Variants in SCN9A observed in about 807,000 individuals in gnomAD.
SCN9A encodes sodium channel protein type 9 subunit alpha.
In SCN9A, 131 loss-of-function variants were observed where a neutral mutation model predicts 187.0. The ratio of observed to expected loss-of-function variants is 0.70; its 90% CI spans 0.61 to 0.81. The LOEUF is 0.81. Ranked by LOEUF, SCN9A falls within the 30% of genes least tolerant of loss-of-function variation. SCN9A has a pLI of 0.00. For synonymous variants in SCN9A, 809 were observed against 808.6 expected (o/e 1.00, Z -0.01); for missense variants, 2,252 against 2,396.6 (o/e 0.94, Z 1.26).
In SCN9A at chr2:166,243,939, G is replaced by T. The variant is rs145401650; in HGVS notation, c.3473-1283C>A. 3.8e-3 allele frequency among the ~76,000 whole-genome samples: 576 copies of T among 152,166 alleles called. 2 individuals carry two copies. The highest frequency in any genetic ancestry group is 5.8e-3 in the Non-Finnish European group (392 of 67,968). ...GTCCAGTATCCTGTCTGGAGGGAAA[G>T]ATTAGTTAGGAACTAGAGTTGTAAC... is the stretch of plus-strand genomic sequence containing the variant. On this transcript the variant is annotated intron_variant, in intron 18 of 26. Transcript: ENST00000642356.
At chr2:166,336,903 CATT>C (rs1480478267) in intron 1 of SCN9A, among the ~76,000 whole-genome samples, 1 of 151,968 alleles carries the variant, frequency 6.6e-6, no homozygotes, top group Non-Finnish European at 1.5e-5. Context: ...TGATTATTTT[CATT>C]ATTTTTAAGG....
intron 26 of SCN9A, among the ~76,000 whole-genome samples, 190 bp downstream of exon 26, chr2:166,203,765 G>C (rs570407027): frequency 6.6e-6 from 1 of 151,998 alleles, no homozygotes; most frequent in South Asian, 2.1e-4. Flanking sequence ...GGGGCCTGTA[G>C]TGTAAACCCA....
chr2:166,279,236 G>A (rs1362445804), intron 14 of SCN9A, among the ~76,000 whole-genome samples: 2 of 152,118 alleles, frequency 1.3e-5, no homozygotes, highest in East Asian at 3.9e-4. Flanking sequence ...GCGAGCACAT[G>A]GGGAAAAACA....
At position 166,304,056 on chromosome 2, in the gene SCN9A, T is replaced by C. The variant is rs766274346; in HGVS notation, c.688+182A>G. ...CTGGAATGACTGAAATTGTTTTCAA[T>C]GCTCGGAGAACTCTGAATGTTCTCA... On this transcript the variant is annotated intron_variant, in intron 6 of 26. Coordinates refer to ENST00000642356, the MANE Select transcript of SCN9A (RefSeq NM_001365536.1). 4.0e-5 allele frequency: 65 copies of C among 1,613,466 alleles called. No individual in the cohort carries two copies. The African/African-American group carries it at 6.4e-4, about 16-fold the overall frequency.
chr2:166,345,524 A>G (rs1699879612), intron 1 of SCN9A, among the ~76,000 whole-genome samples: 2 of 142,966 alleles, frequency 1.4e-5, no homozygotes, highest in Admixed American at 1.4e-4. Context: ...AAAAAAAGTA[A>G]CAAAAAAAAG....
intron 17 of SCN9A, among the ~76,000 whole-genome samples, chr2:166,266,332 A>C (rs574806254): frequency 6.6e-6 from 1 of 151,974 alleles, no homozygotes; most frequent in African/African-American, 2.4e-5. Flanking sequence ...TCCTTTCTCT[A>C]TTATAGGTAC....
chr2:166,304,146 A>C (rs768290765), intron 6 of SCN9A, 92 bp downstream of exon 6: 17 of 1,612,616 alleles, frequency 1.1e-5, no homozygotes, highest in Non-Finnish European at 1.4e-5. Flanking sequence ...GTTTATACAC[A>C]CAGTGACGAC....
At position 166,306,960 on chromosome 2, in the gene SCN9A, G is replaced by T; in HGVS notation, c.373C>A (p.His125Asn). Residue 125 changes from histidine (H) to asparagine (N), a missense_variant, in exon 3 of 27, where the codon CAC (histidine) becomes AAC (asparagine). Around this residue, in one of 7 missense-constraint regions of SCN9A, gnomAD observed 1,013 missense variants for 997.4 expected, o/e 1.02. Coordinates refer to ENST00000642356, the MANE Select transcript of SCN9A (RefSeq NM_001365536.1). Reference sequence around the variant, plus strand: ...TAATCATTTTTAAAAGGATATGAGTGTACTAAAATCTTAATAGATATTCTT... The same window carrying T: ...TAATCATTTTTAAAAGGATATGAGTTTACTAAAATCTTAATAGATATTCTT... ...LRRISIKILV[H>N]SLFSMLIMCT... 6.6e-7 allele frequency: 1 copy of T among 1,525,558 alleles called. No individual in the cohort carries two copies. Among genetic ancestry groups the T allele is most frequent in the Non-Finnish European group, 9.1e-7 (1 of 1,101,180 alleles). 94.5% of individuals were successfully genotyped at this position (1,525,558 alleles called of 1,614,324 possible).
intron 17 of SCN9A, among the ~76,000 whole-genome samples, chr2:166,263,423 AC>A (rs756442906): frequency 6.6e-6 from 1 of 151,928 alleles, no homozygotes; most frequent in Non-Finnish European, 1.5e-5. Context: ...TACAACTCTG[AC>A]TTTTCTTCTT....
At chr2:166,267,630 T>G (rs902400848) in intron 17 of SCN9A, among the ~76,000 whole-genome samples, 2 of 151,962 alleles carry the variant, frequency 1.3e-5, no homozygotes, top group Non-Finnish European at 2.9e-5. Flanking sequence ...TTAAGAAGAA[T>G]TAGTATTAGT....
At chr2:166,242,345 G>GT (rs1348924575) in intron 19 of SCN9A, among the ~76,000 whole-genome samples, 157 bp downstream of exon 19, 2 of 152,006 alleles carry the variant, frequency 1.3e-5, no homozygotes, top group Admixed American at 1.3e-4. Flanking sequence ...GGAGTGCTCA[G>GT]TAACTATTTA....
At chr2:166,203,264 C>T (rs1693631111) in intron 26 of SCN9A, among the ~76,000 whole-genome samples, 1 of 151,816 alleles carries the variant, frequency 6.6e-6, no homozygotes, top group Non-Finnish European at 1.5e-5. Context: ...TATAATCTCT[C>T]TCTCTTAAAA....
At chr2:166,291,107 A>G (rs547332468) in intron 9 of SCN9A, among the ~76,000 whole-genome samples, 1 of 152,320 alleles carries the variant, frequency 6.6e-6, no homozygotes, top group African/African-American at 2.4e-5. Context: ...AAAGAAATAA[A>G]GGGTATTCAA....
At chr2:166,248,689 CAG>C (rs1253828034) in intron 18 of SCN9A, among the ~76,000 whole-genome samples, 5 of 152,078 alleles carry the variant, frequency 3.3e-5, no homozygotes, top group Admixed American at 1.3e-4. Flanking sequence ...TTGTTGGAGA[CAG>C]AGTCTTCCTC....
At chr2:166,310,903 A>C (rs1574912322) in intron 2 of SCN9A, among the ~76,000 whole-genome samples, 1 of 82,054 alleles carries the variant, frequency 1.2e-5, no homozygotes, top group Non-Finnish European at 2.6e-5. Flanking sequence ...TACACCATGG[A>C]ATACTATGCA....
chr2:166,305,949 G>A, intron 4 of SCN9A, 29 bp from the exon 5 acceptor site: 1 of 1,608,836 alleles, frequency 6.2e-7, no homozygotes, highest in Non-Finnish European at 8.5e-7. Flanking sequence ...TGGGATACTA[G>A]ATGTGAAAAG....
intron 19 of SCN9A, among the ~76,000 whole-genome samples, chr2:166,239,614 G>A (rs1695477460): frequency 6.6e-6 from 1 of 152,128 alleles, no homozygotes; most frequent in African/African-American, 2.4e-5. Flanking sequence ...AGTGCAGAGG[G>A]AGGCTTCTAG....
intron 16 of SCN9A, among the ~76,000 whole-genome samples, chr2:166,274,144 G>A (rs566857012): frequency 2.5e-4 from 38 of 152,254 alleles, no homozygotes; most frequent in South Asian, 1.0e-3. Context: ...CTGTTCAAGC[G>A]TTAAACCATT....
chr2:166,302,733 T>C (rs1418850818), intron 7 of SCN9A: 1 of 149,090 alleles, frequency 6.7e-6, no homozygotes, highest in East Asian at 1.9e-4. Context: ...TATAAGTATG[T>C]ACTATATAAT....
Sources: gnomAD v4.1 joint callset for allele counts (sites outside exome capture counted in the v4.1 genomes callset) on GRCh38, gnomAD v4.1.1 for gene constraint, gnomAD v4.1.1 regional missense constraint, MANE v1.5 for transcripts, NCBI Gene and HGNC (gene_info 2026-07-23, HGNC 2026-07-21) for gene names.